PPARGC1A: variants seen among roughly 807,000 people sequenced by gnomAD.
PPARGC1A encodes the protein peroxisome proliferator-activated receptor gamma coactivator 1-alpha.
PPARGC1A carries 25 observed loss-of-function variants against 88.7 expected under a neutral mutation model. The observed-to-expected ratio is 0.28, with a 90% CI of 0.21 to 0.39. The LOEUF (loss-of-function observed/expected upper bound fraction) is 0.39, where lower values mean the gene tolerates loss of function less well. PPARGC1A is among the 10% of genes least tolerant of loss of function. PPARGC1A has a pLI of 1.00. For synonymous variants in PPARGC1A, 363 were observed against 355.6 expected (o/e 1.02, Z -0.24); for missense variants, 880 against 968.7 (o/e 0.91, Z 1.22).
At chr4:24,176,993 T>C in the PPARGC1A span, among the ~76,000 whole-genome samples, 2 of 152,138 alleles carry the variant, frequency 1.3e-5, no homozygotes, top group Admixed American at 6.6e-5. Flanking sequence ...CATCAAAGAA[T>C]CTTGGACTTT....
chr4:23,846,717 T>C (rs1420821248), intron 2 of PPARGC1A, among the ~76,000 whole-genome samples: 1 of 152,042 alleles, frequency 6.6e-6, no homozygotes, highest in Non-Finnish European at 1.5e-5. Flanking sequence ...AACAAAATAA[T>C]TAAAAATTCC....
chr4:24,081,955 T>C, the PPARGC1A span, among the ~76,000 whole-genome samples: 1 of 152,044 alleles, frequency 6.6e-6, no homozygotes, highest in East Asian at 1.9e-4. Context: ...ATAAGGCTTC[T>C]ATGAGATTGA....
chr4:23,899,965 GA>G (rs1318473178), upstream of PPARGC1A, among the ~76,000 whole-genome samples: 1 of 151,126 alleles, frequency 6.6e-6, no homozygotes, highest in African/African-American at 2.4e-5. Flanking sequence ...AAAAGAAAGA[GA>G]AATAAATGTT....
At chr4:24,328,845 T>C in the PPARGC1A span, among the ~76,000 whole-genome samples, 1 of 152,216 alleles carries the variant, frequency 6.6e-6, no homozygotes, top group African/African-American at 2.4e-5. Flanking sequence ...GGCCATTCAG[T>C]CCATGAACTG....
At chr4:24,435,016 C>T in the PPARGC1A span, among the ~76,000 whole-genome samples, 18 of 152,298 alleles carry the variant, frequency 1.2e-4, no homozygotes, top group South Asian at 6.2e-4. Flanking sequence ...CAAAGAAATA[C>T]GGCAGGTGAC....
At chr4:24,225,529 C>CAA in the PPARGC1A span, among the ~76,000 whole-genome samples, 1 of 101,008 alleles carries the variant, frequency 9.9e-6, no homozygotes, top group African/African-American at 3.7e-5. Context: ...GACTCCGTCT[C>CAA]AAAAAAAAAA....
chr4:24,271,671 A>G, the PPARGC1A span, among the ~76,000 whole-genome samples: 1 of 152,160 alleles, frequency 6.6e-6, no homozygotes, highest in Admixed American at 6.5e-5. Flanking sequence ...GCCGAGTTCA[A>G]ATCTCAGTGG....
At chr4:24,243,076 C>G in the PPARGC1A span, among the ~76,000 whole-genome samples, 109 of 152,272 alleles carry the variant, frequency 7.2e-4, 3 homozygotes, top group Admixed American at 2.9e-3. Context: ...ACTGCAATTT[C>G]CACAAGGGTA....
chr4:24,224,031 G>T, the PPARGC1A span, among the ~76,000 whole-genome samples: 1 of 152,152 alleles, frequency 6.6e-6, no homozygotes, highest in African/African-American at 2.4e-5. Flanking sequence ...AAAAACTCAA[G>T]AGTTTAATTC....
At chr4:24,260,716 T>G in the PPARGC1A span, among the ~76,000 whole-genome samples, 1 of 151,310 alleles carries the variant, frequency 6.6e-6, no homozygotes, top group Non-Finnish European at 1.5e-5. Flanking sequence ...CCCTACAACA[T>G]GTCTTTTTTT....
At chr4:24,372,393 T>A in the PPARGC1A span, among the ~76,000 whole-genome samples, 1 of 152,206 alleles carries the variant, frequency 6.6e-6, no homozygotes. Flanking sequence ...TTGTAGTTTT[T>A]TAAGCTTCCC....
chr4:23,935,269 T>C, the PPARGC1A span, among the ~76,000 whole-genome samples: 3 of 152,210 alleles, frequency 2.0e-5, no homozygotes, highest in Non-Finnish European at 2.9e-5. Context: ...CTAAGAGCCA[T>C]AGACTTGGTC....
the PPARGC1A span, among the ~76,000 whole-genome samples, chr4:23,978,841 A>C: frequency 6.6e-6 from 1 of 152,200 alleles, no homozygotes. Flanking sequence ...ATAAAATGAA[A>C]TGTGTTTTTT....
At chr4:24,051,501 T>C in the PPARGC1A span, among the ~76,000 whole-genome samples, 2 of 152,220 alleles carry the variant, frequency 1.3e-5, no homozygotes, top group Non-Finnish European at 2.9e-5. Flanking sequence ...ATGAGTTAAG[T>C]GCTATTTATA....
upstream of PPARGC1A, among the ~76,000 whole-genome samples, chr4:23,904,377 A>G (rs138743655): frequency 2.5e-3 from 374 of 152,088 alleles, 2 homozygotes; most frequent in African/African-American, 8.3e-3. Flanking sequence ...CAGTACTGTA[A>G]TTTTTCCTTG....
chr4:24,447,279 G>C, the PPARGC1A span, among the ~76,000 whole-genome samples: 5 of 152,184 alleles, frequency 3.3e-5, no homozygotes, highest in Admixed American at 3.3e-4. Flanking sequence ...AGTACACAAG[G>C]GACCATCATC....
the PPARGC1A span, among the ~76,000 whole-genome samples, chr4:24,387,906 GAA>G: frequency 1.3e-3 from 5 of 3,792 alleles, 1 homozygote; most frequent in East Asian, 0.071. Flanking sequence ...AAAAGAAAGA[GAA>G]AGAAAGAAAG....
the PPARGC1A span, among the ~76,000 whole-genome samples, chr4:24,234,457 C>T: frequency 6.5e-4 from 98 of 151,340 alleles, no homozygotes; most frequent in African/African-American, 2.3e-3. Context: ...GATCTCTAAG[C>T]CAATGATACA....
chr4:24,104,303 G>A, the PPARGC1A span, among the ~76,000 whole-genome samples: 1 of 152,080 alleles, frequency 6.6e-6, no homozygotes, highest in Non-Finnish European at 1.5e-5. Context: ...AGTGCTTTGT[G>A]GACTGTATTT....
Sources: gnomAD v4.1 joint callset for allele counts (sites outside exome capture counted in the v4.1 genomes callset) on GRCh38, gnomAD v4.1.1 for gene constraint, MANE v1.5 for transcripts, NCBI Gene and HGNC (gene_info 2026-07-23, HGNC 2026-07-21) for gene names.